The following KMT2C variants were observed in gnomAD, a reference collection of about 807,000 sequenced individuals.
KMT2C encodes the protein histone-lysine N-methyltransferase 2C.
In KMT2C, 88 loss-of-function variants were observed where a neutral mutation model predicts 507.9. The ratio of observed to expected loss-of-function variants is 0.17; its 90% CI spans 0.15 to 0.21. KMT2C has a LOEUF of 0.21. Among genes scored for constraint, KMT2C ranks in the 10% least tolerant of loss-of-function variants. The probability of loss-of-function intolerance (pLI) is 1.00; values close to 1 mark genes in which losing one functional copy is unlikely to be tolerated. For synonymous variants in KMT2C, 2,049 were observed against 2,080.8 expected (o/e 0.98, Z 0.42); for missense variants, 4,954 against 5,957.8 (o/e 0.83, Z 5.55).
At chr7:152,242,976 G>A (rs59510229) in intron 14 of KMT2C, among the ~76,000 whole-genome samples, 1,831 of 152,242 alleles carry the variant, frequency 0.012, 42 homozygotes, top group African/African-American at 0.042. Flanking sequence ...AGAGAGAGCC[G>A]AAAGGAAGAT....
chr7:152,413,466 AT>A (rs956127555), intron 1 of KMT2C, among the ~76,000 whole-genome samples: 5 of 152,208 alleles, frequency 3.3e-5, no homozygotes, highest in African/African-American at 1.2e-4. Flanking sequence ...ATGTGAAATT[AT>A]GTTAAATACA....
intron 15 of KMT2C, among the ~76,000 whole-genome samples, chr7:152,237,769 G>A (rs903815470): frequency 2.0e-5 from 3 of 152,092 alleles, no homozygotes; most frequent in Admixed American, 6.6e-5. Flanking sequence ...CAAAGTGCTG[G>A]GATTACAGGC....
At chr7:152,155,713 G>A (rs2091998991) in intron 46 of KMT2C, among the ~76,000 whole-genome samples, 197 bp downstream of exon 46, 1 of 151,836 alleles carries the variant, frequency 6.6e-6, no homozygotes, top group South Asian at 2.1e-4. Flanking sequence ...TATGATGTAG[G>A]CTTAAAAAAA....
intron 1 of KMT2C, chr7:152,368,618 C>A (rs1280725246): frequency 6.9e-7 from 1 of 1,451,122 alleles, no homozygotes; most frequent in Middle Eastern, 2.0e-4. Context: ...CAGAACTCTT[C>A]GAGAACCTTG....
chr7:152,379,527 G>C (rs1350424729), intron 1 of KMT2C, among the ~76,000 whole-genome samples: 2 of 151,772 alleles, frequency 1.3e-5, no homozygotes, highest in Admixed American at 1.3e-4. Flanking sequence ...GACAGAGTAA[G>C]ACTCTGTCTC....
intron 1 of KMT2C, among the ~76,000 whole-genome samples, chr7:152,408,318 G>A (rs2097642792): frequency 6.6e-6 from 1 of 152,098 alleles, no homozygotes; most frequent in African/African-American, 2.4e-5. Flanking sequence ...AGTGGCCAAG[G>A]TGGATTTTGT....
chr7:152,321,949 C>T (rs1297390646), intron 3 of KMT2C, among the ~76,000 whole-genome samples: 1 of 151,638 alleles, frequency 6.6e-6, no homozygotes, highest in Non-Finnish European at 1.5e-5. Flanking sequence ...CAGAAGACAT[C>T]AAACAGCCGA....
rs909132399 is a variant in KMT2C at position 152,135,003 on chromosome 7, T to C, written c.*1829A>G. On this transcript the variant is annotated 3_prime_UTR_variant, in exon 59 of 59. Transcript: ENST00000262189. ...ACAAATTCCAAAACCCATAACACTC[T>C]GTATACTTCAAAAAATTCAATTTTT... The C allele has an allele frequency of 1.8e-5, 4 of 227,962 alleles. No individual in the cohort carries two copies. Among genetic ancestry groups the C allele is most frequent in the Admixed American group, 5.7e-5 (1 of 17,570 alleles). The allele number at this position is 227,962 out of a possible 1,614,324, so 14.1% of individuals were successfully genotyped here.
At chr7:152,343,571 C>T (rs563172087) in intron 2 of KMT2C, among the ~76,000 whole-genome samples, 3 of 151,490 alleles carry the variant, frequency 2.0e-5, no homozygotes, top group East Asian at 3.9e-4. Context: ...TCAAATTAAT[C>T]TCAGAAACCA....
At chr7:152,351,378 G>A (rs1471758488) in intron 2 of KMT2C, among the ~76,000 whole-genome samples, 2 of 152,134 alleles carry the variant, frequency 1.3e-5, no homozygotes. Context: ...ATGTTGCGCT[G>A]TGCTATGACA....
chr7:152,281,145 T>G (rs2096201133), intron 6 of KMT2C, among the ~76,000 whole-genome samples: 1 of 151,968 alleles, frequency 6.6e-6, no homozygotes, highest in South Asian at 2.1e-4. Context: ...TAAATCTGAC[T>G]ACATAGAAAT....
At chr7:152,239,089 G>C (rs867284929) in intron 14 of KMT2C, 43 of 295,438 alleles carry the variant, frequency 1.5e-4, no homozygotes, top group Non-Finnish European at 1.2e-4. Context: ...TAAAAATTAA[G>C]GTTTATAGGA....
chr7:152,344,300 T>C (rs187841297), intron 2 of KMT2C, among the ~76,000 whole-genome samples: 1 of 152,334 alleles, frequency 6.6e-6, no homozygotes, highest in African/African-American at 2.4e-5. Flanking sequence ...GTATGCTTTT[T>C]CAATCATACT....
intron 3 of KMT2C, among the ~76,000 whole-genome samples, chr7:152,321,148 C>T (rs1287234174): frequency 6.6e-6 from 1 of 151,840 alleles, no homozygotes; most frequent in African/African-American, 2.4e-5. Context: ...GCAGGAGAAT[C>T]GCTTGAACCT....
chr7:152,372,946 A>G (rs2097303100), intron 1 of KMT2C, among the ~76,000 whole-genome samples: 1 of 152,254 alleles, frequency 6.6e-6, no homozygotes, highest in Non-Finnish European at 1.5e-5. Flanking sequence ...TCCAGGATAG[A>G]TCATATGTTA....
intron 1 of KMT2C, among the ~76,000 whole-genome samples, chr7:152,414,376 A>G (rs2097712867): frequency 8.7e-6 from 1 of 115,310 alleles, no homozygotes; most frequent in South Asian, 2.8e-4. Flanking sequence ...CTAAAAATAC[A>G]AATTAGCCGG....
chr7:152,254,084 T>TA (rs1015116506), intron 9 of KMT2C, among the ~76,000 whole-genome samples: 2 of 152,154 alleles, frequency 1.3e-5, no homozygotes, highest in Non-Finnish European at 2.9e-5. Flanking sequence ...CAGCTAGTCT[T>TA]AAAGATTAAA....
intron 14 of KMT2C, among the ~76,000 whole-genome samples, chr7:152,245,940 A>C (rs1299035320): frequency 6.6e-6 from 1 of 152,200 alleles, no homozygotes; most frequent in African/African-American, 2.4e-5. Flanking sequence ...AATGCAGCTT[A>C]TTTTACAGCC....
chr7:152,326,067 A>G (rs1426797915), intron 3 of KMT2C, among the ~76,000 whole-genome samples: 1 of 152,010 alleles, frequency 6.6e-6, no homozygotes, highest in Non-Finnish European at 1.5e-5. Context: ...CCATTGGTCT[A>G]TTTGTCTGTT....
Sources: allele counts gnomAD v4.1 joint callset (sites outside exome capture counted in the v4.1 genomes callset), GRCh38; gene constraint gnomAD v4.1.1; transcripts MANE v1.5; gene names NCBI Gene and HGNC (gene_info 2026-07-23, HGNC 2026-07-21).